Variants in CBLC observed in about 807,000 individuals in gnomAD.
The protein encoded by CBLC is Cbl proto-oncogene C.
A neutral mutation model predicts 58.6 loss-of-function variants in CBLC; 46 were observed. The ratio of observed to expected loss-of-function variants is 0.79; its 90% CI spans 0.62 to 1.00. The LOEUF (loss-of-function observed/expected upper bound fraction) is 1.00. Among genes scored for constraint, CBLC ranks in the 50% least tolerant of loss-of-function variants. The probability of loss-of-function intolerance (pLI) is 0.00; values close to 1 mark genes in which losing one functional copy is unlikely to be tolerated. For missense variants in CBLC, 655 were observed against 625.8 expected, an observed-to-expected ratio of 1.05 and a Z score of -0.50; for synonymous variants, 271 against 264.2, an observed-to-expected ratio of 1.03 and a Z score of -0.25.
rs1277462108 is a variant in CBLC at position 44,778,196 on chromosome 19, G to A, written c.265G>A (p.Ala89Thr). Reference sequence around the variant, plus strand: ...ACTCATCTACCTGGCCAATCTGGAGGCCAAGAGCAGGCAGGTGGCCGCGCT... The same window carrying A: ...ACTCATCTACCTGGCCAATCTGGAGACCAAGAGCAGGCAGGTGGCCGCGCT... ...FLLIYLANLE[A>T]KSRQVAALLP... is the part of the protein sequence containing the mutation. Residue 89 changes from alanine to threonine, a missense_variant, in exon 1 of 11, where the codon GCC becomes ACC. This residue lies in a region of CBLC where 280 missense variants were observed against 237.2 expected (regional missense o/e 1.18). Transcript: ENST00000647358. The A allele has an allele frequency of 2.0e-6, 3 of 1,511,556 alleles. No individual in the cohort carries two copies. Among genetic ancestry groups the A allele is most frequent in the African/African-American group, 2.8e-5 (2 of 70,356 alleles). 93.6% of individuals were successfully genotyped at this position (1,511,556 alleles called of 1,614,324 possible).
At chr19:44,791,837 A>G (rs866618060) in intron 6 of CBLC, among the ~76,000 whole-genome samples, 1 of 148,234 alleles carries the variant, frequency 6.7e-6, no homozygotes, top group Admixed American at 6.8e-5. Context: ...TTGGTTTATT[A>G]TTTTTTTTTT....
intron 6 of CBLC, among the ~76,000 whole-genome samples, chr19:44,791,836 T>C (rs561079054): frequency 3.2e-4 from 49 of 151,994 alleles, no homozygotes; most frequent in Non-Finnish European, 6.3e-4. Flanking sequence ...TTTGGTTTAT[T>C]ATTTTTTTTT....
intron 5 of CBLC, among the ~76,000 whole-genome samples, chr19:44,787,817 CAAAA>C (rs1383950497): frequency 1.2e-5 from 1 of 84,196 alleles, no homozygotes. Flanking sequence ...GACTTCATCT[CAAAA>C]AAAAAAAAAA....
Position 44,778,164 on chromosome 19 carries a change from A to G in CBLC, c.233A>G (p.Asp78Gly), listed in dbSNP as rs530433110. ...GGPGGPGGSG[D>G]FLLIYLANLE... ...CCCGGGGGTCCCGGCGGCTCTGGGG[A>G]CTTTCTACTCATCTACCTGGCCAAT... is the stretch of plus-strand genomic sequence containing the variant. The change falls in exon 1 of 11, where the codon GAC (aspartate) becomes GGC (glycine). Residue 78 changes from aspartate (D) to glycine (G), a missense_variant. By Grantham distance (94) the Asp-to-Gly change is moderately conservative. Transcript: ENST00000647358. The G allele has an allele frequency of 3.8e-6, 6 of 1,560,728 alleles. No individual in the cohort carries two copies. The African/African-American group carries it at 6.9e-5, about 18-fold the overall frequency.
chr19:44,777,920 C>G lies in CBLC; in HGVS notation c.-12C>G. 1 of 1,554,304 alleles carries G rather than the reference C, an allele frequency of 6.4e-7. No homozygotes were observed. The highest frequency in any genetic ancestry group is 1.2e-5 in the South Asian group (1 of 84,878). ...AGCCGCACCGGTCCTTCCCGGCACACGCGAGGCTCCCATGGCTCTGGCGGT... is the reference window on the plus strand; with the variant it reads ...AGCCGCACCGGTCCTTCCCGGCACAGGCGAGGCTCCCATGGCTCTGGCGGT... On this transcript the variant is annotated 5_prime_UTR_variant, in exon 1 of 11. Coordinates refer to ENST00000647358, the MANE Select transcript of CBLC (RefSeq NM_012116.4).
intron 9 of CBLC, 137 bp downstream of exon 9, chr19:44,794,418 T>TGACCTC (rs1490459268): frequency 3.5e-6 from 2 of 578,100 alleles, no homozygotes; most frequent in African/African-American, 4.0e-5. Flanking sequence ...ATCCCCTCTG[T>TGACCTC]GACCTCTTCC....
intron 9 of CBLC, among the ~76,000 whole-genome samples, chr19:44,794,670 G>A (rs566625132): frequency 4.0e-5 from 6 of 151,152 alleles, no homozygotes; most frequent in South Asian, 2.1e-4. Context: ...TCACCATGTT[G>A]ATCAGGCTGG....
intron 6 of CBLC, among the ~76,000 whole-genome samples, chr19:44,791,153 A>G (rs1968035989): frequency 6.6e-6 from 1 of 151,784 alleles, no homozygotes; most frequent in Non-Finnish European, 1.5e-5. Flanking sequence ...AAGAAATTCA[A>G]ATTTAGGTTA....
At chr19:44,785,990 G>T (rs999674045) in intron 5 of CBLC, among the ~76,000 whole-genome samples, 5 of 151,940 alleles carry the variant, frequency 3.3e-5, no homozygotes, top group African/African-American at 1.2e-4. Context: ...GGGGTGGGGT[G>T]TGGCTCACCA....
rs975094314 is a variant in CBLC, at chr19:44,778,030, C to G, written c.99C>G (p.Val33=). 8 of 1,609,432 alleles carry G rather than the reference C, an allele frequency of 5.0e-6. No individual in the cohort carries two copies. The highest frequency in any genetic ancestry group is 6.8e-6 in the Non-Finnish European group (8 of 1,179,618). The change falls in exon 1 of 11, where the codon GTC becomes GTG. Residue 33 remains valine, a synonymous_variant. Coordinates refer to ENST00000647358, the MANE Select transcript of CBLC (RefSeq NM_012116.4). ...RMLQRLEEQC[V]DPRLSVSPPS... The stretch of plus-strand genomic sequence containing the variant: ...TGCAGCGCCTAGAAGAGCAATGCGT[C>G]GACCCCCGGCTGTCCGTGAGTCCCC...
intron 1 of CBLC, among the ~76,000 whole-genome samples, chr19:44,779,808 C>T (rs888620958): frequency 3.9e-5 from 6 of 152,120 alleles, no homozygotes; most frequent in African/African-American, 1.4e-4. Flanking sequence ...GTACCTCAGC[C>T]TCCCAAAGTG....
intron 9 of CBLC, among the ~76,000 whole-genome samples, chr19:44,798,172 G>GCTA (rs1363888435): frequency 6.6e-6 from 1 of 151,828 alleles, no homozygotes; most frequent in Non-Finnish European, 1.5e-5. Context: ...GGACCAGCCT[G>GCTA]ACACAAGCCC....
intron 5 of CBLC, among the ~76,000 whole-genome samples, chr19:44,786,511 C>T (rs1342896908): frequency 6.7e-6 from 1 of 149,530 alleles, no homozygotes; most frequent in South Asian, 2.1e-4. Flanking sequence ...AGGAGAATGG[C>T]GTGAACCCTG....
intron 8 of CBLC, 148 bp from the exon 9 acceptor site, chr19:44,794,056 C>A: frequency 7.3e-7 from 1 of 1,376,360 alleles, no homozygotes; most frequent in Non-Finnish European, 9.7e-7. Flanking sequence ...TGGCTGTAAC[C>A]CTCCTAAGTG....
intron 9 of CBLC, among the ~76,000 whole-genome samples, chr19:44,797,839 C>A (rs376304370): frequency 1.1e-3 from 168 of 152,206 alleles, no homozygotes; most frequent in African/African-American, 4.0e-3. Flanking sequence ...CTTCTGGGCT[C>A]AAGTGATCCT....
At chr19:44,780,752 C>T (rs934626868) in intron 1 of CBLC, among the ~76,000 whole-genome samples, 153 bp from the exon 2 acceptor site, 35 of 152,318 alleles carry the variant, frequency 2.3e-4, no homozygotes, top group Middle Eastern at 3.4e-3. Context: ...GGATTACAGG[C>T]GTGAGCCACC....
intron 9 of CBLC, among the ~76,000 whole-genome samples, chr19:44,798,197 TTTTG>T (rs200768071): frequency 0.21 from 31,081 of 151,508 alleles, 3,502 homozygotes; most frequent in African/African-American, 0.3. Context: ...GGCTGGGTTT[TTTTG>T]TTTGTTTGTT....
chr19:44,794,586 T>G (rs910007233), intron 9 of CBLC, among the ~76,000 whole-genome samples: 16 of 149,734 alleles, frequency 1.1e-4, no homozygotes, highest in African/African-American at 3.7e-4. Flanking sequence ...TGCCTCAGCC[T>G]CCTGAGTAGC....
At chr19:44,792,343 G>A (rs766980844) in intron 6 of CBLC, 40 bp from the exon 7 acceptor site, 18 of 1,608,606 alleles carry the variant, frequency 1.1e-5, no homozygotes, top group African/African-American at 4.0e-5. Context: ...CGTGGCTGAC[G>A]CATGCCCCTC....
Sources: allele counts gnomAD v4.1 joint callset (sites outside exome capture counted in the v4.1 genomes callset), GRCh38; gene constraint gnomAD v4.1.1; regional missense constraint gnomAD v4.1.1; transcripts MANE v1.5; gene names NCBI Gene and HGNC (gene_info 2026-07-23, HGNC 2026-07-21).